Variants in TPGS2 observed in about 807,000 individuals in gnomAD.
TPGS2 encodes the protein polyglutamylase subunit 2.
Under a neutral mutation model 31.1 loss-of-function variants are expected in TPGS2, and 26 were observed. That is an observed-to-expected ratio of 0.84 (90% CI 0.61 to 1.16). The LOEUF is 1.16. Among genes scored for constraint, TPGS2 ranks in the 50% most tolerant of loss-of-function variants. The pLI is 0.00. For synonymous variants in TPGS2, 130 were observed against 136.6 expected (o/e 0.95, Z 0.34); for missense variants, 351 against 363.8 (o/e 0.96, Z 0.29).
intron 1 of TPGS2, among the ~76,000 whole-genome samples, chr18:36,821,351 A>T (rs1027624410): frequency 6.6e-6 from 1 of 152,168 alleles, no homozygotes; most frequent in East Asian, 1.9e-4. Flanking sequence ...AACTGCGACC[A>T]CTTGAGAGAC....
At chr18:36,808,498 T>G (rs891981555) in intron 2 of TPGS2, among the ~76,000 whole-genome samples, 9 of 151,102 alleles carry the variant, frequency 6.0e-5, no homozygotes, top group Admixed American at 4.0e-4. Context: ...ATTAGCAGGG[T>G]GTGGTGGCGG....
At chr18:36,818,403 CA>C (rs113255199) in intron 2 of TPGS2, 23,665 of 120,564 alleles carry the variant, frequency 0.2, 1,859 homozygotes, top group East Asian at 0.24. Flanking sequence ...GACTCTGTCT[CA>C]AAAAAAAAAA....
At chr18:36,802,631 C>T (rs2044880125) in intron 4 of TPGS2, among the ~76,000 whole-genome samples, 1 of 152,010 alleles carries the variant, frequency 6.6e-6, no homozygotes, top group South Asian at 2.1e-4. Flanking sequence ...CAATGGATCT[C>T]TTTTGCTACT....
chr18:36,795,028 CTT>C lies in TPGS2; in HGVS notation c.*1775_*1776del. The C allele has an allele frequency of 3.0e-6, 3 of 985,410 alleles. No homozygotes were observed. Among genetic ancestry groups the C allele is most frequent in the Non-Finnish European group, 3.6e-6 (3 of 829,946 alleles). The allele number at this position is 985,410 out of a possible 1,614,324, so 61.0% of individuals were successfully genotyped here. ...ACTCTTAAGCGCTGATATTTCAAGA[CTT>C]TGAACTATTACAAATATGGGGAAGC... is the stretch of plus-strand genomic sequence containing the variant. On this transcript the variant is annotated 3_prime_UTR_variant, in exon 7 of 7. Transcript: ENST00000334295.
At chr18:36,812,955 A>T (rs777824775) in intron 2 of TPGS2, among the ~76,000 whole-genome samples, 2 of 152,224 alleles carry the variant, frequency 1.3e-5, no homozygotes, top group Admixed American at 1.3e-4. Flanking sequence ...GAGTAACAGG[A>T]GAGGAAAAAC....
intron 2 of TPGS2, among the ~76,000 whole-genome samples, chr18:36,813,059 A>G (rs2045500451): frequency 6.6e-6 from 1 of 152,244 alleles, no homozygotes; most frequent in Non-Finnish European, 1.5e-5. Flanking sequence ...TGATGAACCA[A>G]CTGCAACTGT....
downstream of TPGS2, among the ~76,000 whole-genome samples, chr18:36,781,481 G>A (rs1317267229): frequency 2.0e-5 from 3 of 152,068 alleles, no homozygotes; most frequent in Non-Finnish European, 4.4e-5. Flanking sequence ...GTGAAACCCT[G>A]TCTCTACTAA....
chr18:36,806,360 C>A lies in TPGS2; in HGVS notation c.254-858G>T, dbSNP rs565873510. Among the ~76,000 whole-genome samples, 8 of 152,168 alleles carry A rather than the reference C, an allele frequency of 5.3e-5. No individual in the cohort carries two copies. The South Asian group carries it at 1.7e-3, about 32-fold the overall frequency. ...TGAAGCAGGCATATAAAGGGGCTAG[C>A]CTGTTGCAAGGATGTGGGCCAGGGA... On this transcript the variant is annotated intron_variant, in intron 3 of 6. Coordinates refer to ENST00000334295, the MANE Select transcript of TPGS2 (RefSeq NM_015476.4).
chr18:36,782,041 C>T (rs534395988), downstream of TPGS2: 8 of 639,702 alleles, frequency 1.3e-5, no homozygotes, highest in Admixed American at 1.9e-4. Flanking sequence ...TTGCTTGGCA[C>T]TGAATGCAGA....
chr18:36,815,779 G>T (rs1230279541), intron 2 of TPGS2, among the ~76,000 whole-genome samples: 1 of 152,052 alleles, frequency 6.6e-6, no homozygotes, highest in African/African-American at 2.4e-5. Flanking sequence ...GCCAAACTCA[G>T]GTGAAAGAAA....
chr18:36,780,901 T>C (rs1412221960), downstream of TPGS2, among the ~76,000 whole-genome samples: 1 of 152,176 alleles, frequency 6.6e-6, no homozygotes, highest in Non-Finnish European at 1.5e-5. Context: ...TGTGCACTTT[T>C]ATACATCTGG....
intron 1 of TPGS2, among the ~76,000 whole-genome samples, chr18:36,827,443 A>C (rs910244100): frequency 3.3e-5 from 5 of 152,250 alleles, no homozygotes; most frequent in African/African-American, 1.2e-4. Flanking sequence ...TCAGAGAAAG[A>C]TAATTCCAGG....
intron 6 of TPGS2, chr18:36,786,901 C>A (rs1023395438): frequency 2.4e-6 from 3 of 1,234,272 alleles, no homozygotes; most frequent in Non-Finnish European, 3.0e-6. Flanking sequence ...TGTTCCCATG[C>A]TGTTGGATTG....
downstream of TPGS2, among the ~76,000 whole-genome samples, chr18:36,780,676 G>A (rs559093414): frequency 5.3e-5 from 8 of 152,178 alleles, no homozygotes; most frequent in African/African-American, 1.2e-4. Flanking sequence ...CCACAAATCC[G>A]TAAGAACATG....
chr18:36,798,619 A>AAGAC lies in TPGS2; in HGVS notation c.497-14_497-11dup. The AAGAC allele has an allele frequency of 3.7e-6, 6 of 1,610,040 alleles. No homozygotes were observed. Among genetic ancestry groups the AAGAC allele is most frequent in the Non-Finnish European group, 5.1e-6 (6 of 1,176,926 alleles). On this transcript the variant is annotated splice_polypyrimidine_tract_variant and intron_variant, in intron 5 of 6. Transcript: ENST00000334295. ...GTGTCTTCTGCTAATGCTGAAGTAG[A>AAGAC]AGACAAAGGAAGTAAAAGATAAAGA...
downstream of TPGS2, among the ~76,000 whole-genome samples, chr18:36,792,380 T>A (rs1408342245): frequency 6.6e-6 from 1 of 152,264 alleles, no homozygotes; most frequent in Admixed American, 6.5e-5. Flanking sequence ...GGATTCATTA[T>A]GCTCTTCTAT....
chr18:36,827,834 CATTT>C (rs553744097), intron 1 of TPGS2, among the ~76,000 whole-genome samples: 76 of 152,316 alleles, frequency 5.0e-4, no homozygotes, highest in African/African-American at 1.7e-3. Context: ...CTAGTGACCT[CATTT>C]GTTTATTTTT....
At position 36,829,001 on chromosome 18, in the gene TPGS2, GC is replaced by G; in HGVS notation, c.-235del. 2 of 1,159,036 alleles carry G rather than the reference GC, an allele frequency of 1.7e-6. No individual in the cohort carries two copies. The highest frequency in any genetic ancestry group is 2.3e-6 in the Non-Finnish European group (2 of 868,414). The allele number at this position is 1,159,036 out of a possible 1,614,324, so 71.8% of individuals were successfully genotyped here. A position where few individuals can be genotyped will look rare whatever the true frequency, so the allele number is the denominator to read the frequency against. On this transcript the variant is annotated 5_prime_UTR_variant, in exon 1 of 7. Transcript: ENST00000334295. Reference sequence around the variant, plus strand: ...ACCTCCGGGACGTAGCTTCCCCTTCGCCCCCACCCTCTCGCCCCGCAGGGGC... The same window carrying G: ...ACCTCCGGGACGTAGCTTCCCCTTCGCCCCACCCTCTCGCCCCGCAGGGGC...
intron 6 of TPGS2, among the ~76,000 whole-genome samples, chr18:36,797,429 A>C (rs2044584359): frequency 8.5e-6 from 1 of 117,182 alleles, no homozygotes; most frequent in African/African-American, 2.7e-5. Context: ...TTCTGGCAGC[A>C]CCATTCCCCC....
Sources: gnomAD v4.1 joint callset for allele counts (sites outside exome capture counted in the v4.1 genomes callset) on GRCh38, gnomAD v4.1.1 for gene constraint, MANE v1.5 for transcripts, NCBI Gene and HGNC (gene_info 2026-07-23, HGNC 2026-07-21) for gene names.